MICU1: variants seen among roughly 807,000 people sequenced by gnomAD.
MICU1 encodes mitochondrial calcium uptake 1, also known as calcium uptake protein 1, mitochondrial.
MICU1 carries 45 observed loss-of-function variants against 56.8 expected under a neutral mutation model. The observed-to-expected ratio is 0.79, with a 90% CI of 0.62 to 1.02. The LOEUF (loss-of-function observed/expected upper bound fraction) is 1.02, where lower values mean the gene tolerates loss of function less well. Ranked by LOEUF, MICU1 falls within the 50% of genes least tolerant of loss-of-function variation. The pLI, the probability that MICU1 is intolerant of heterozygous loss-of-function variation, is 0.00. For synonymous variants in MICU1, 186 were observed against 195.1 expected, an observed-to-expected ratio of 0.95 and a Z score of 0.39; for missense variants, 504 against 587.1, an observed-to-expected ratio of 0.86 and a Z score of 1.46.
intron 10 of MICU1, among the ~76,000 whole-genome samples, chr10:72,396,689 T>C (rs578198802): frequency 3.9e-5 from 6 of 152,252 alleles, no homozygotes; most frequent in Middle Eastern, 3.4e-3. Context: ...GTATCAGTGA[T>C]TGAAGATCAA....
intron 1 of MICU1, among the ~76,000 whole-genome samples, chr10:72,606,689 T>G (rs1245387979): frequency 6.6e-6 from 1 of 152,066 alleles, no homozygotes; most frequent in Non-Finnish European, 1.5e-5. Context: ...TTTTCTATCC[T>G]AATGAGATGA....
chr10:72,476,360 C>G (rs922233640), intron 7 of MICU1, among the ~76,000 whole-genome samples: 1 of 151,984 alleles, frequency 6.6e-6, no homozygotes, highest in African/African-American at 2.4e-5. Flanking sequence ...TCCGGAGTAG[C>G]TAGGACTACA....
intron 2 of MICU1, among the ~76,000 whole-genome samples, chr10:72,564,619 T>C (rs1362282396): frequency 6.6e-6 from 1 of 151,298 alleles, no homozygotes; most frequent in East Asian, 1.9e-4. Context: ...AAACATTTTC[T>C]AGACCACAAA....
intron 8 of MICU1, among the ~76,000 whole-genome samples, chr10:72,437,085 C>T (rs908488326): frequency 2.0e-5 from 3 of 152,100 alleles, no homozygotes; most frequent in Non-Finnish European, 4.4e-5. Flanking sequence ...AGCTCCAAGA[C>T]TCATAATGGT....
At chr10:72,622,169 G>A (rs575209027) in intron 1 of MICU1, among the ~76,000 whole-genome samples, 13 of 150,664 alleles carry the variant, frequency 8.6e-5, no homozygotes, top group African/African-American at 3.2e-4. Flanking sequence ...GTGATCTGCC[G>A]GCCTCAGCCT....
intron 10 of MICU1, among the ~76,000 whole-genome samples, chr10:72,382,118 CT>C (rs571239001): frequency 7.9e-4 from 114 of 143,704 alleles, no homozygotes; most frequent in Non-Finnish European, 8.1e-4. Context: ...GATCTGAATT[CT>C]TTTTTTTTTT....
chr10:72,490,263 C>T (rs1292770830), intron 6 of MICU1, among the ~76,000 whole-genome samples: 4 of 152,064 alleles, frequency 2.6e-5, no homozygotes, highest in Admixed American at 2.6e-4. Context: ...ATATTTATTA[C>T]TTGCTGAACA....
chr10:72,518,034 C>CTT (rs1197780931), intron 5 of MICU1, among the ~76,000 whole-genome samples: 27 of 142,742 alleles, frequency 1.9e-4, no homozygotes, highest in African/African-American at 5.1e-4. Flanking sequence ...TTCTTTTCTT[C>CTT]TTTTTTTTTT....
chr10:72,379,576 GC>G, intron 10 of MICU1: 1 of 430,744 alleles, frequency 2.3e-6, no homozygotes, highest in South Asian at 1.7e-5. Flanking sequence ...TGAAGATGGT[GC>G]CCTTTCCTGT....
chr10:72,397,776 C>A (rs1212601048), intron 10 of MICU1, among the ~76,000 whole-genome samples: 1 of 152,208 alleles, frequency 6.6e-6, no homozygotes, highest in African/African-American at 2.4e-5. Flanking sequence ...CACCCAGATT[C>A]ATAAAGCAAG....
chr10:72,421,841 C>G (rs145912974), intron 9 of MICU1, among the ~76,000 whole-genome samples: 1 of 152,204 alleles, frequency 6.6e-6, no homozygotes, highest in Non-Finnish European at 1.5e-5. Flanking sequence ...TATTTAATGG[C>G]GTTCCATTGC....
intron 8 of MICU1, among the ~76,000 whole-genome samples, chr10:72,457,214 A>AT (rs1865499183): frequency 3.5e-5 from 5 of 143,784 alleles, no homozygotes; most frequent in African/African-American, 1.0e-4. Context: ...CTTACTTCCT[A>AT]CTTTTTTTTT....
intron 1 of MICU1, among the ~76,000 whole-genome samples, chr10:72,579,812 A>T (rs1435895941): frequency 1.3e-5 from 2 of 152,202 alleles, no homozygotes; most frequent in Non-Finnish European, 2.9e-5. Flanking sequence ...AATTATTAAA[A>T]ATATGGTATA....
intron 6 of MICU1, among the ~76,000 whole-genome samples, chr10:72,491,125 G>A (rs888377270): frequency 1.3e-5 from 2 of 152,174 alleles, no homozygotes; most frequent in African/African-American, 2.4e-5. Flanking sequence ...GACCAATGTG[G>A]TCAAGATGAA....
intron 8 of MICU1, among the ~76,000 whole-genome samples, chr10:72,441,603 T>C (rs1864932198): frequency 7.3e-6 from 1 of 137,556 alleles, no homozygotes; most frequent in African/African-American, 2.6e-5. Context: ...TATTCACTTA[T>C]TTTTAATTTT....
chr10:72,551,642 T>C (rs1444046350), intron 3 of MICU1, among the ~76,000 whole-genome samples: 2 of 152,216 alleles, frequency 1.3e-5, no homozygotes, highest in South Asian at 4.1e-4. Flanking sequence ...CACTGAAGGC[T>C]AGCAAAATTT....
At chr10:72,480,810 C>T (rs1180660450) in intron 6 of MICU1, among the ~76,000 whole-genome samples, 1 of 152,180 alleles carries the variant, frequency 6.6e-6, no homozygotes, top group Non-Finnish European at 1.5e-5. Context: ...TCCATGAAGG[C>T]ATGTGCCCAG....
intron 8 of MICU1, among the ~76,000 whole-genome samples, chr10:72,426,148 G>C (rs1219191859): frequency 6.6e-6 from 1 of 152,158 alleles, no homozygotes; most frequent in Admixed American, 6.5e-5. Flanking sequence ...TTCCCAAGTA[G>C]CTGGGACTAC....
chr10:72,449,118 C>T (rs1865214611), intron 8 of MICU1, among the ~76,000 whole-genome samples: 1 of 152,138 alleles, frequency 6.6e-6, no homozygotes, highest in African/African-American at 2.4e-5. Flanking sequence ...ATTTTTTAAT[C>T]TGGGCATGGT....
Sources: gnomAD v4.1 joint callset for allele counts (sites outside exome capture counted in the v4.1 genomes callset) on GRCh38, gnomAD v4.1.1 for gene constraint, MANE v1.5 for transcripts, NCBI Gene and HGNC (gene_info 2026-07-23, HGNC 2026-07-21) for gene names.